Variants in TG observed in about 807,000 individuals in gnomAD.
TG encodes the protein thyroid hormones.
A neutral mutation model predicts 324.7 loss-of-function variants in TG; 270 were observed. The ratio of observed to expected loss-of-function variants is 0.83; its 90% CI spans 0.75 to 0.92. The LOEUF (loss-of-function observed/expected upper bound fraction) is 0.92. TG is among the 40% of genes least tolerant of loss of function. The pLI, the probability that TG is intolerant of heterozygous loss-of-function variation, is 0.00. For missense variants in TG, 3,591 were observed against 3,456.4 expected (o/e 1.04, Z -0.98); for synonymous variants, 1,401 against 1,327.0 (o/e 1.06, Z -1.21).
Position 132,887,452 on chromosome 8 carries a change from C to T in TG, c.2080C>T (p.Leu694=), listed in dbSNP as rs1460231202. 1.2e-6 allele frequency: 2 copies of T among 1,614,176 alleles called. No homozygotes were observed. The highest frequency in any genetic ancestry group is 1.7e-6 in the Non-Finnish European group (2 of 1,180,038). Residue 694 remains leucine (L), a synonymous_variant, in exon 9 of 48, where the codon CTG becomes TTG. Transcript: ENST00000220616. ...TGCTTGTACTAGTGAGGGACATTTC[C>T]TGCCTGTCCAGTGCTTCAACTCAGA... is the stretch of plus-strand genomic sequence containing the variant. ...VPACTSEGHF[L]PVQCFNSECY...
intron 41 of TG, among the ~76,000 whole-genome samples, chr8:133,054,307 T>C (rs1320871785): frequency 3.3e-5 from 5 of 152,164 alleles, no homozygotes; most frequent in Non-Finnish European, 7.3e-5. Flanking sequence ...TGAAGACATA[T>C]GCACTGCGCA....
At position 133,126,902 on chromosome 8, in the gene TG, G is replaced by A. The variant is rs538811054; in HGVS notation, c.7863-4910G>A. On this transcript the variant is annotated intron_variant, in intron 45 of 47. Transcript: ENST00000220616. The stretch of plus-strand genomic sequence containing the variant: ...GGAGGAAGCTATGGAGAAAGATGCT[G>A]GCTGGGGATAAAAAAAAGGGAGTAT... Among the ~76,000 whole-genome samples the A allele has an allele frequency of 4.6e-5, 7 of 152,252 alleles. No individual in the cohort carries two copies. The East Asian group carries it at 1.4e-3, about 29-fold the overall frequency.
chr8:133,097,681 AG>A (rs1483094234), intron 43 of TG, among the ~76,000 whole-genome samples: 1 of 152,268 alleles, frequency 6.6e-6, no homozygotes, highest in East Asian at 1.9e-4. Context: ...CTGAGTAAAA[AG>A]ATTCACAACA....
chr8:132,879,926 G>A (rs942306459), intron 5 of TG, among the ~76,000 whole-genome samples: 15 of 152,234 alleles, frequency 9.9e-5, no homozygotes, highest in African/African-American at 3.6e-4. Flanking sequence ...GGGTCTCTGG[G>A]TTGAATTAGC....
chr8:133,075,182 G>A, intron 41 of TG: 1 of 938,642 alleles, frequency 1.1e-6, no homozygotes, highest in Non-Finnish European at 1.3e-6. Flanking sequence ...TGAGAATATG[G>A]CCAGCTTAAC....
chr8:132,898,093 GA>G (rs1386204275), intron 12 of TG, 75 bp from the exon 13 acceptor site: 1 of 1,408,222 alleles, frequency 7.1e-7, no homozygotes, highest in Non-Finnish European at 9.8e-7. Context: ...AGTGAAGAAG[GA>G]AAGTTGTTTA....
chr8:133,085,484 T>C (rs911046585), intron 41 of TG, among the ~76,000 whole-genome samples: 2 of 152,070 alleles, frequency 1.3e-5, no homozygotes, highest in East Asian at 3.8e-4. Flanking sequence ...CAAGAAAACA[T>C]AAAGAACACT....
chr8:132,951,450 C>T (rs1826087265), intron 27 of TG, among the ~76,000 whole-genome samples: 1 of 152,154 alleles, frequency 6.6e-6, no homozygotes, highest in African/African-American at 2.4e-5. Flanking sequence ...ACAGGCATTT[C>T]AAGAAAGACA....
In TG at chr8:132,969,740, G is replaced by A. The variant is rs541873614; in HGVS notation, c.5975+171G>A. Among the ~76,000 whole-genome samples the A allele has an allele frequency of 1.5e-3, 224 of 151,866 alleles. 1 individual carries two copies. The highest frequency in any genetic ancestry group is 8.1e-3 in the Admixed American group (123 of 15,230). On this transcript the variant is annotated intron_variant, in intron 32 of 47. Transcript: ENST00000220616. ...ATCCTGACCAACATGGTGAAGCCCC[G>A]TCTCTACTAAAAATACAAAAATTAG...
chr8:133,049,785 T>G lies in TG; in HGVS notation c.7239+19762T>G, dbSNP rs900208346. 3 of 762,350 alleles carry G rather than the reference T, an allele frequency of 3.9e-6. No homozygotes were observed. In the African/African-American group the frequency reaches 5.2e-5, roughly 13 times the overall value. The allele number at this position is 762,350 out of a possible 1,614,324, so 47.2% of individuals were successfully genotyped here. On this transcript the variant is annotated intron_variant, in intron 41 of 47. Coordinates refer to ENST00000220616, the MANE Select transcript of TG (RefSeq NM_003235.5). ...ATTGACTGGGTTGGGAGCAGGACTA[T>G]CTCTTCTTGACCCAGTGCCTTCCTT...
chr8:132,923,405 C>T lies in TG; in HGVS notation c.4596C>T (p.Ser1532=), dbSNP rs769215844. 2 of 1,614,032 alleles carry T rather than the reference C, an allele frequency of 1.2e-6. No individual in the cohort carries two copies. Among genetic ancestry groups the T allele is most frequent in the South Asian group, 1.1e-5 (1 of 91,066 alleles). ...ACCAGAATGGCCAGTATCGAGCCAG[C>T]CAGAAGGACAGGGGCAGTGGGAAGG... ...QCDQNGQYRA[S]QKDRGSGKAF... The change falls in exon 22 of 48, where the codon AGC becomes AGT. Residue 1532 remains serine (S), a synonymous_variant. Coordinates refer to ENST00000220616, the MANE Select transcript of TG (RefSeq NM_003235.5).
intron 34 of TG, among the ~76,000 whole-genome samples, chr8:132,976,957 T>C (rs2130614023): frequency 6.6e-6 from 1 of 152,354 alleles, no homozygotes; most frequent in South Asian, 2.1e-4. Context: ...AGGAGACTGG[T>C]TTAATAAATT....
chr8:133,134,749 TCTC>T lies in TG; in HGVS notation c.8265_8267del (p.Leu2756del). On this transcript the variant is annotated inframe_deletion, in exon 48 of 48. Coordinates refer to ENST00000220616, the MANE Select transcript of TG (RefSeq NM_003235.5). ...CGGCTGGATCTGGGCTAAGAGAAGA[TCTC>T]CTAAGCCTCCAGGAACCAGGCTCTA... The T allele has an allele frequency of 6.2e-7, 1 of 1,614,014 alleles. No homozygotes were observed. The highest frequency in any genetic ancestry group is 8.5e-7 in the Non-Finnish European group (1 of 1,179,976).
intron 10 of TG, among the ~76,000 whole-genome samples, 200 bp from the exon 11 acceptor site, chr8:132,893,486 GGTGT>G (rs1327926375): frequency 7.8e-6 from 1 of 128,420 alleles, no homozygotes; most frequent in Non-Finnish European, 1.7e-5. Context: ...TGTGTGGTGT[GGTGT>G]GTGTGTGGTG....
At chr8:133,030,495 G>C (rs1422374111) in intron 41 of TG, among the ~76,000 whole-genome samples, 10 of 152,144 alleles carry the variant, frequency 6.6e-5, no homozygotes, top group Non-Finnish European at 1.5e-5. Flanking sequence ...AATTATGATG[G>C]AAAAAATAAC....
At chr8:133,031,545 CAGTT>C (rs1836641621) in intron 41 of TG, among the ~76,000 whole-genome samples, 1 of 152,164 alleles carries the variant, frequency 6.6e-6, no homozygotes, top group Admixed American at 6.5e-5. Flanking sequence ...GCAAAGAAAG[CAGTT>C]AGGATACTGT....
Position 132,929,165 on chromosome 8 carries a change from G to T in TG, c.4789G>T (p.Glu1597Ter). The T allele has an allele frequency of 6.2e-7, 1 of 1,614,166 alleles. No individual in the cohort carries two copies. The highest frequency in any genetic ancestry group is 2.2e-5 in the East Asian group (1 of 44,886). Residue 1597 changes from glutamate (E) to a stop codon, truncating the protein, a stop_gained, in exon 23 of 48, where the codon GAG becomes TAG. Transcript: ENST00000220616. LOFTEE classifies it high-confidence loss of function. The part of the protein sequence containing the change: ...VAVRSKVPDS[E>*]FPVMQCLTDC... ...TGTCAGATCCAAAGTTCCTGATTCT[G>T]AGTTCCCCGTGATGCAGTGCTTGAC... is the stretch of plus-strand genomic sequence containing the variant.
chr8:133,077,815 G>C (rs989923235), intron 41 of TG, among the ~76,000 whole-genome samples: 2 of 151,908 alleles, frequency 1.3e-5, no homozygotes, highest in Non-Finnish European at 2.9e-5. Context: ...CTGTGCATTG[G>C]AGGATGTGCC....
At chr8:132,994,600 A>G in intron 35 of TG, 1 of 1,102,244 alleles carries the variant, frequency 9.1e-7, no homozygotes, top group Non-Finnish European at 1.2e-6. Context: ...GTTTTTTTTA[A>G]ATGATCCTTC....
Sources: allele counts gnomAD v4.1 joint callset (sites outside exome capture counted in the v4.1 genomes callset), GRCh38; gene constraint gnomAD v4.1.1; transcripts MANE v1.5; gene names NCBI Gene and HGNC (gene_info 2026-07-23, HGNC 2026-07-21).